CPAMD8: variants seen among roughly 807,000 people sequenced by gnomAD.
The protein encoded by CPAMD8 is C3 and PZP-like alpha-2-macroglobulin domain-containing protein 8.
A neutral mutation model predicts 224.7 loss-of-function variants in CPAMD8; 146 were observed. The observed-to-expected ratio is 0.65, with a 90% CI of 0.57 to 0.75. The LOEUF is 0.75. Ranked by LOEUF, CPAMD8 falls within the 30% of genes least tolerant of loss-of-function variation. The probability of loss-of-function intolerance (pLI) is 0.00; values close to 1 mark genes in which losing one functional copy is unlikely to be tolerated. For missense variants in CPAMD8, 2,301 were observed against 2,537.5 expected, an observed-to-expected ratio of 0.91 and a Z score of 2.00; for synonymous variants, 966 against 1,044.6, an observed-to-expected ratio of 0.92 and a Z score of 1.45.
intron 26 of CPAMD8, among the ~76,000 whole-genome samples, chr19:16,924,260 G>T (rs759582692): frequency 5.3e-5 from 8 of 151,660 alleles, no homozygotes; most frequent in Non-Finnish European, 8.8e-5. Flanking sequence ...AGTGGGTTTG[G>T]GGGGAAGATG....
At chr19:16,900,848 C>T (rs1029354607) in intron 36 of CPAMD8, among the ~76,000 whole-genome samples, 32 of 151,864 alleles carry the variant, frequency 2.1e-4, no homozygotes, top group Non-Finnish European at 3.5e-4. Flanking sequence ...CCTGTCTCTG[C>T]CACAAATACA....
At chr19:16,918,105 C>T (rs1232241964) in intron 27 of CPAMD8, among the ~76,000 whole-genome samples, 1 of 152,170 alleles carries the variant, frequency 6.6e-6, no homozygotes, top group Non-Finnish European at 1.5e-5. Flanking sequence ...AGCAATTCTC[C>T]TGCCTCAGCC....
rs1447385544 is a variant in CPAMD8, at chr19:16,897,673, G to C, written c.5065+18C>G. 7.1e-7 allele frequency: 1 copy of C among 1,410,626 alleles called. No individual in the cohort carries two copies. The highest frequency in any genetic ancestry group is 2.3e-5 in the Admixed American group (1 of 44,310). The allele number at this position is 1,410,626 out of a possible 1,614,324, so 87.4% of individuals were successfully genotyped here. A position where few individuals can be genotyped will look rare whatever the true frequency, so the allele number is the denominator to read the frequency against. ...TGGCAGGCCGCGGTGGGGGGCGGCAGTGGCTCCGCGCACTCACCCGGGCCC... is the reference window on the plus strand; with the variant it reads ...TGGCAGGCCGCGGTGGGGGGCGGCACTGGCTCCGCGCACTCACCCGGGCCC... On this transcript the variant is annotated intron_variant, in intron 39 of 41. Coordinates refer to ENST00000443236, the MANE Select transcript of CPAMD8 (RefSeq NM_015692.5).
Position 16,929,219 on chromosome 19 carries a change from G to A in CPAMD8, c.2867C>T (p.Pro956Leu), listed in dbSNP as rs750067130. Residue 956 changes from proline to leucine, a missense_variant, in exon 24 of 42, where the codon CCC becomes CTC. Around this residue, in one of 4 missense-constraint regions of CPAMD8, gnomAD observed 1,709 missense variants for 1,753.2 expected, o/e 0.97. Transcript: ENST00000443236. ...CACATACTGGAACTCATACTTGTTGGGGGTGGAGATGTGGACTCTCTCTGG... is the reference window on the plus strand; with the variant it reads ...CACATACTGGAACTCATACTTGTTGAGGGTGGAGATGTGGACTCTCTCTGG... The part of the protein sequence containing the change: ...CPSERVHIST[P>L]NKYEFQYVQR... 6.2e-7 allele frequency: 1 copy of A among 1,606,748 alleles called. No individual in the cohort carries two copies. Among genetic ancestry groups the A allele is most frequent in the African/African-American group, 1.3e-5 (1 of 74,812 alleles).
At chr19:17,017,061 C>G (rs185547158) in intron 3 of CPAMD8, among the ~76,000 whole-genome samples, 1 of 152,122 alleles carries the variant, frequency 6.6e-6, no homozygotes, top group East Asian at 1.9e-4. Flanking sequence ...TATTTACAGC[C>G]GCTCCCCATC....
chr19:17,004,042 A>C (rs1014224923), intron 8 of CPAMD8, among the ~76,000 whole-genome samples: 1 of 151,706 alleles, frequency 6.6e-6, no homozygotes, highest in Non-Finnish European at 1.5e-5. Flanking sequence ...AGTAGCTGGG[A>C]CCACAGGTGC....
At chr19:16,952,287 C>T in intron 19 of CPAMD8, 87 bp from the exon 20 acceptor site, 1 of 774,212 alleles carries the variant, frequency 1.3e-6, no homozygotes. Context: ...ACCCAGGCTG[C>T]ATGGCTCAGA....
rs749114855 is a variant in CPAMD8 at position 16,945,643 on chromosome 19, C to T, written c.2699G>A (p.Arg900Gln). The T allele has an allele frequency of 2.9e-5, 46 of 1,614,024 alleles. No individual in the cohort carries two copies. Among genetic ancestry groups the T allele is most frequent in the Middle Eastern group, 3.3e-4 (2 of 6,084 alleles). Residue 900 changes from arginine (R) to glutamine (Q), a missense_variant, in exon 22 of 42, where the codon CGG becomes CAG. Arg to Gln is a conservative substitution (Grantham distance 43). Transcript: ENST00000443236. ...AGGGTGTTTGCTGGACCTCCCATCC[C>T]GGCAGCAATTTGTGTCTCCGTAAGC... is the stretch of plus-strand genomic sequence containing the variant. ...ALAYGDTNCC[R>Q]DGRSSKHPEE...
At chr19:16,953,174 T>G (rs2054351972) in intron 19 of CPAMD8, among the ~76,000 whole-genome samples, 2 of 152,068 alleles carry the variant, frequency 1.3e-5, no homozygotes, top group African/African-American at 4.8e-5. Context: ...TGCAAAAGAA[T>G]GAATTTGGAC....
At position 17,019,971 on chromosome 19, in the gene CPAMD8, C is replaced by CTT. The variant is rs569150151; in HGVS notation, c.267+358_267+359dup. On this transcript the variant is annotated intron_variant, in intron 3 of 41. Transcript: ENST00000443236. The stretch of plus-strand genomic sequence containing the variant: ...TTCAATTCTTTTTTTTTTTTCTTTT[C>CTT]TTTTTTTTTTTTTTTTTGGTGAGAC... Among the ~76,000 whole-genome samples the CTT allele has an allele frequency of 1.3e-3, 124 of 97,874 alleles. 1 individual carries two copies. The highest frequency in any genetic ancestry group is 4.1e-3 in the African/African-American group (104 of 25,206). The allele number at this position is 97,874 out of a possible 152,430, so 64.2% of individuals were successfully genotyped here.
At chr19:16,993,340 G>A (rs1432059172) in intron 12 of CPAMD8, 76 bp downstream of exon 12, 1 of 1,283,060 alleles carries the variant, frequency 7.8e-7, no homozygotes, top group Admixed American at 2.0e-5. Context: ...CTGATCAGGT[G>A]CCTGCACCCA....
At chr19:17,008,802 A>T (rs2056567394) in intron 6 of CPAMD8, 2 of 560,370 alleles carry the variant, frequency 3.6e-6, no homozygotes, top group South Asian at 4.1e-5. Flanking sequence ...CTAGAAATGG[A>T]CGTGGCTGGG....
intron 14 of CPAMD8, 69 bp from the exon 15 acceptor site, chr19:16,977,609 G>T: frequency 7.8e-7 from 1 of 1,275,388 alleles, no homozygotes; most frequent in Non-Finnish European, 1.1e-6. Flanking sequence ...AGCCATTCAG[G>T]CTCTGCCCCA....
At chr19:16,946,356 TG>T (rs976498055) in intron 21 of CPAMD8, among the ~76,000 whole-genome samples, 1 of 148,162 alleles carries the variant, frequency 6.7e-6, no homozygotes, top group African/African-American at 2.5e-5. Context: ...TGTCTACACG[TG>T]GGGGTGTGTG....
Position 16,907,034 on chromosome 19 carries a change from CAG to C in CPAMD8, c.3943_3944del (p.Leu1315AspfsTer15). 3.1e-6 allele frequency: 5 copies of C among 1,610,108 alleles called. No individual in the cohort carries two copies. The highest frequency in any genetic ancestry group is 3.4e-6 in the Non-Finnish European group (4 of 1,178,984). On this transcript the variant is annotated frameshift_variant, in exon 30 of 42. Transcript: ENST00000443236. LOFTEE classifies it high-confidence loss of function. ...GGAGCAGGGTCAGCGCGTAGGTAGTCAGGGCACAGCTATAAGGGTCCATGGCC... is the reference window on the plus strand; with the variant it reads ...GGAGCAGGGTCAGCGCGTAGGTAGTCGGCACAGCTATAAGGGTCCATGGCC... Reference protein sequence around the residue: ...PLAMDPYSCALTTYALTLLRS... With the variant: ...PLAMDPYSCAXTTYALTLLRS...
intron 41 of CPAMD8, chr19:16,895,857 T>G: frequency 3.9e-6 from 2 of 512,888 alleles, no homozygotes; most frequent in Non-Finnish European, 7.6e-6. Flanking sequence ...CCCCCCAGCA[T>G]TTCGGATAAG....
intron 20 of CPAMD8, among the ~76,000 whole-genome samples, chr19:16,947,822 T>C (rs1457188245): frequency 1.3e-5 from 2 of 152,170 alleles, no homozygotes; most frequent in Admixed American, 1.3e-4. Context: ...GGCATGTGGA[T>C]ATGCATTCGT....
intron 18 of CPAMD8, among the ~76,000 whole-genome samples, chr19:16,967,916 T>TAC (rs780955729): frequency 1.2e-4 from 18 of 150,304 alleles, no homozygotes; most frequent in East Asian, 2.0e-4. Context: ...TGTGCATATA[T>TAC]ACACACACAT....
chr19:17,021,613 G>A (rs2123259491), intron 2 of CPAMD8, among the ~76,000 whole-genome samples: 1 of 152,316 alleles, frequency 6.6e-6, no homozygotes, highest in African/African-American at 2.4e-5. Context: ...CTGGCTGAGG[G>A]CCTGAGCTGC....
Sources: gnomAD v4.1 joint callset for allele counts (sites outside exome capture counted in the v4.1 genomes callset) on GRCh38, gnomAD v4.1.1 for gene constraint, gnomAD v4.1.1 regional missense constraint, MANE v1.5 for transcripts, NCBI Gene and HGNC (gene_info 2026-07-23, HGNC 2026-07-21) for gene names.